Variants in CASP8 observed in about 807,000 individuals in gnomAD.
CASP8 encodes caspase-8.
In CASP8, 24 loss-of-function variants were observed where a neutral mutation model predicts 46.3. The ratio of observed to expected loss-of-function variants is 0.52; its 90% CI spans 0.38 to 0.73. CASP8 has a LOEUF of 0.73. Among genes scored for constraint, CASP8 ranks in the 30% least tolerant of loss-of-function variants. CASP8 has a pLI of 0.00. For synonymous variants in CASP8, 188 were observed against 200.4 expected, an observed-to-expected ratio of 0.94 and a Z score of 0.52; for missense variants, 460 against 559.0, an observed-to-expected ratio of 0.82 and a Z score of 1.79.
At chr2:201,249,489 T>G (rs1946680238) in intron 2 of CASP8, among the ~76,000 whole-genome samples, 1 of 152,268 alleles carries the variant, frequency 6.6e-6, no homozygotes, top group South Asian at 2.1e-4. Context: ...AGTCCCAGCT[T>G]ATTCATATGC....
intron 5 of CASP8, among the ~76,000 whole-genome samples, chr2:201,274,632 G>T (rs547417675): frequency 2.0e-5 from 3 of 152,210 alleles, no homozygotes; most frequent in Admixed American, 6.5e-5. Flanking sequence ...CTACCACCAC[G>T]CCCGGCTAAT....
chr2:201,286,740 CGAGTA>C lies in CASP8; in HGVS notation c.*148_*152del, dbSNP rs1949582118. The C allele has an allele frequency of 1.5e-6, 1 of 659,000 alleles. No individual in the cohort carries two copies. The highest frequency in any genetic ancestry group is 2.7e-6 in the Non-Finnish European group (1 of 374,852). 40.8% of individuals were successfully genotyped at this position (659,000 alleles called of 1,614,324 possible). On this transcript the variant is annotated 3_prime_UTR_variant, in exon 9 of 9. Coordinates refer to ENST00000673742, the MANE Select transcript of CASP8 (RefSeq NM_001372051.1). Reference sequence around the variant, plus strand: ...AGGCCATTCTCCTGCCTCAGCCTCCCGAGTAGCTGGGACTACAGGGGCCCGCCACC... The same window carrying C: ...AGGCCATTCTCCTGCCTCAGCCTCCCGCTGGGACTACAGGGGCCCGCCACC...
Position 201,286,587 on chromosome 2 carries a change from C to CTGAT in CASP8, c.1438_*1dup. 4.3e-6 allele frequency: 7 copies of CTGAT among 1,613,586 alleles called. No homozygotes were observed. Among genetic ancestry groups the CTGAT allele is most frequent in the Non-Finnish European group, 5.9e-6 (7 of 1,179,590 alleles). On this transcript the variant is annotated frameshift_variant, in exon 9 of 9. Transcript: ENST00000673742. LOFTEE classifies it high-confidence loss of function. The stretch of plus-strand genomic sequence containing the variant: ...CTAAGAAAAAAACTTGTCTTCCCTT[C>CTGAT]TGATTGATGGTGCTATTTTGTTTGT...
upstream of CASP8, among the ~76,000 whole-genome samples, chr2:201,259,484 ATAT>A (rs1461736192): frequency 6.6e-6 from 1 of 152,098 alleles, no homozygotes; most frequent in African/African-American, 2.4e-5. Flanking sequence ...CCAGGCATTG[ATAT>A]TATGAGGCCA....
chr2:201,268,958 A>G (rs140903989), intron 2 of CASP8, among the ~76,000 whole-genome samples: 2 of 86,246 alleles, frequency 2.3e-5, no homozygotes, highest in Admixed American at 2.7e-4. Flanking sequence ...TGTGTGTGTG[A>G]GACAGTGTCT....
Position 201,286,522 on chromosome 2 carries a change from G to T in CASP8, c.1368G>T (p.Lys456Asn), listed in dbSNP as rs1418224177. The T allele has an allele frequency of 2.5e-6, 4 of 1,613,992 alleles. No individual in the cohort carries two copies. Among genetic ancestry groups the T allele is most frequent in the Non-Finnish European group, 3.4e-6 (4 of 1,179,872 alleles). ...ATGAAGTAAGCAACAAGGATGACAA[G>T]AAAAACATGGGGAAACAGATGCCTC... The part of the protein sequence containing the change: ...VNYEVSNKDD[K>N]KNMGKQMPQP... The change falls in exon 9 of 9, where the codon AAG becomes AAT. Residue 456 changes from lysine (K) to asparagine (N), a missense_variant. Coordinates refer to ENST00000673742, the MANE Select transcript of CASP8 (RefSeq NM_001372051.1).
At chr2:201,277,601 CA>C (rs1376765567) in intron 7 of CASP8, 3 of 329,466 alleles carry the variant, frequency 9.1e-6, no homozygotes, top group African/African-American at 6.9e-5. Flanking sequence ...GTTTATCAGG[CA>C]TAACATCAAT....
intron 8 of CASP8, among the ~76,000 whole-genome samples, chr2:201,285,564 G>C (rs764717063): frequency 1.3e-5 from 2 of 152,192 alleles, no homozygotes; most frequent in Non-Finnish European, 2.9e-5. Context: ...AACATCCTTA[G>C]TTTATAGATG....
chr2:201,259,787 C>G (rs576772506), upstream of CASP8, among the ~76,000 whole-genome samples: 2 of 152,158 alleles, frequency 1.3e-5, no homozygotes, highest in African/African-American at 2.4e-5. Flanking sequence ...CAGCTTTCAG[C>G]TAACTTCATG....
chr2:201,273,058 CT>C lies in CASP8; in HGVS notation c.595+133del, dbSNP rs397826156. 45,006 of 569,918 alleles carry C rather than the reference CT, an allele frequency of 0.079. 8 individuals carry two copies. The highest frequency in any genetic ancestry group is 0.13 in the East Asian group (4,078 of 32,300). 35.3% of individuals were successfully genotyped at this position (569,918 alleles called of 1,614,324 possible). On this transcript the variant is annotated intron_variant, in intron 5 of 8. Coordinates refer to ENST00000673742, the MANE Select transcript of CASP8 (RefSeq NM_001372051.1). ...TCTTAACGTGCCTGCTCTACTTTTTCTTTTTTTTTTTTTTTTTGTGAGACAG... is the reference window on the plus strand; with the variant it reads ...TCTTAACGTGCCTGCTCTACTTTTTCTTTTTTTTTTTTTTTTGTGAGACAG...
intron 2 of CASP8, among the ~76,000 whole-genome samples, chr2:201,248,883 C>T (rs537247400): frequency 3.9e-5 from 6 of 152,258 alleles, no homozygotes; most frequent in African/African-American, 1.4e-4. Context: ...TAGGATTTCT[C>T]ATAAAGTTTT....
intron 7 of CASP8, among the ~76,000 whole-genome samples, chr2:201,283,061 C>G (rs1244258184): frequency 1.4e-5 from 1 of 73,830 alleles, no homozygotes; most frequent in Non-Finnish European, 3.4e-5. Context: ...CCCCCTCCCC[C>G]CTCCCGGACG....
At chr2:201,252,563 C>T (rs895984291) in intron 2 of CASP8, among the ~76,000 whole-genome samples, 106 of 152,140 alleles carry the variant, frequency 7.0e-4, no homozygotes, top group African/African-American at 2.4e-3. Context: ...TTTTGGGTAA[C>T]GGTCTTTTGT....
chr2:201,245,174 G>A (rs987393932), intron 2 of CASP8, among the ~76,000 whole-genome samples: 18 of 152,134 alleles, frequency 1.2e-4, no homozygotes, highest in African/African-American at 4.3e-4. Context: ...CTATGCCTGG[G>A]AATCAACCAT....
intron 2 of CASP8, among the ~76,000 whole-genome samples, chr2:201,248,327 T>C (rs762006149): frequency 6.6e-6 from 1 of 152,042 alleles, no homozygotes; most frequent in Non-Finnish European, 1.5e-5. Flanking sequence ...AAGGGGGCTT[T>C]GATGAGCATC....
chr2:201,277,454 GA>G lies in CASP8; in HGVS notation c.802+488del, dbSNP rs1382940716. Among the ~76,000 whole-genome samples the G allele has an allele frequency of 3.9e-5, 6 of 152,148 alleles. No individual in the cohort carries two copies. In the East Asian group the frequency reaches 1.2e-3, roughly 29 times the overall value. ...CTCAGCCAAATTAAGCTAAGATCAA[GA>G]ACTTACAAGTTAAATGAAAAAACAA... On this transcript the variant is annotated intron_variant, in intron 7 of 8. Coordinates refer to ENST00000673742, the MANE Select transcript of CASP8 (RefSeq NM_001372051.1).
At chr2:201,265,994 T>G (rs78519946) in intron 1 of CASP8, among the ~76,000 whole-genome samples, 12 of 151,432 alleles carry the variant, frequency 7.9e-5, no homozygotes, top group African/African-American at 2.4e-4. Flanking sequence ...TTTTTTTTTT[T>G]TGTGAGACGG....
intron 2 of CASP8, chr2:201,242,633 A>G (rs989543306): frequency 1.3e-5 from 2 of 152,204 alleles, no homozygotes; most frequent in African/African-American, 4.8e-5. Context: ...AGCAATCTAC[A>G]AATTTGGTGT....
At chr2:201,259,155 T>C (rs1396273381), upstream of CASP8, among the ~76,000 whole-genome samples, 1 of 152,164 alleles carries the variant, frequency 6.6e-6, no homozygotes, top group Non-Finnish European at 1.5e-5. Flanking sequence ...ATTTTGCTCA[T>C]TCTGTTTCTA....
Sources: gnomAD v4.1 joint callset for allele counts (sites outside exome capture counted in the v4.1 genomes callset) on GRCh38, gnomAD v4.1.1 for gene constraint, MANE v1.5 for transcripts, NCBI Gene and HGNC (gene_info 2026-07-23, HGNC 2026-07-21) for gene names.